SIPA1L3: variants seen among roughly 807,000 people sequenced by gnomAD.
The protein encoded by SIPA1L3 is signal-induced proliferation-associated 1-like protein 3.
A neutral mutation model predicts 150.1 loss-of-function variants in SIPA1L3; 59 were observed. That is an observed-to-expected ratio of 0.39 (90% CI 0.32 to 0.49). The LOEUF is 0.49. Ranked by LOEUF, SIPA1L3 falls within the 20% of genes least tolerant of loss-of-function variation. The probability of loss-of-function intolerance (pLI) is 0.86; values close to 1 mark genes in which losing one functional copy is unlikely to be tolerated. For synonymous variants in SIPA1L3, 1,070 were observed against 1,077.6 expected (o/e 0.99, Z 0.14); for missense variants, 2,211 against 2,489.5 (o/e 0.89, Z 2.38).
intron 4 of SIPA1L3, among the ~76,000 whole-genome samples, chr19:38,098,455 C>G (rs371556850): frequency 6.8e-6 from 1 of 146,434 alleles, no homozygotes. Flanking sequence ...AGTGCAATGG[C>G]ACAATCTTGG....
In SIPA1L3 at chr19:37,942,163, C is replaced by T. The variant is rs147899177; in HGVS notation, c.-379+34805C>T. Reference sequence around the variant, plus strand: ...TCACATATGCTTCCAGTGCCGGGGACGGAGCCCGATAAGGTCTGTCCTCCT... The same window carrying T: ...TCACATATGCTTCCAGTGCCGGGGATGGAGCCCGATAAGGTCTGTCCTCCT... On this transcript the variant is annotated intron_variant, in intron 1 of 21. Transcript: ENST00000222345. 1.8e-4 allele frequency among the ~76,000 whole-genome samples: 27 copies of T among 152,184 alleles called. No individual in the cohort carries two copies. The East Asian group carries it at 3.3e-3, about 19-fold the overall frequency.
intron 1 of SIPA1L3, among the ~76,000 whole-genome samples, chr19:37,962,203 G>A (rs572377458): frequency 1.5e-3 from 231 of 150,910 alleles, no homozygotes; most frequent in Non-Finnish European, 2.7e-3. Flanking sequence ...GAGTGCAGTG[G>A]CACGATTTTG....
intron 1 of SIPA1L3, among the ~76,000 whole-genome samples, chr19:37,948,746 C>T (rs911978429): frequency 2.6e-5 from 4 of 152,040 alleles, no homozygotes; most frequent in African/African-American, 7.3e-5. Context: ...AGATACATGA[C>T]GTAATGTTAT....
At chr19:38,022,669 C>T (rs7254333) in intron 1 of SIPA1L3, among the ~76,000 whole-genome samples, 1 of 152,132 alleles carries the variant, frequency 6.6e-6, no homozygotes. Flanking sequence ...GATGGTGCCA[C>T]TGCACTCCAG....
chr19:38,100,288 G>A, intron 5 of SIPA1L3, 138 bp downstream of exon 5: 2 of 673,406 alleles, frequency 3.0e-6, no homozygotes, highest in South Asian at 4.6e-5. Flanking sequence ...TCAGCAAAAG[G>A]AGGGATTCAA....
intron 8 of SIPA1L3, among the ~76,000 whole-genome samples, chr19:38,117,543 C>G (rs185437493): frequency 6.6e-6 from 1 of 151,726 alleles, no homozygotes; most frequent in African/African-American, 2.4e-5. Flanking sequence ...TGCTTGACCC[C>G]GGGAGGCGGA....
At chr19:37,962,463 C>T (rs1249925841) in intron 1 of SIPA1L3, among the ~76,000 whole-genome samples, 12 of 73,098 alleles carry the variant, frequency 1.6e-4, no homozygotes, top group African/African-American at 8.5e-4. Flanking sequence ...TGCAGCCGGC[C>T]TTTTTTTTTT....
chr19:38,081,754 C>T lies in SIPA1L3; in HGVS notation c.189C>T (p.Ala63=), dbSNP rs1280865599. The part of the protein sequence containing the change: ...SPATATATAT[A]TTRPSPTTPA... ...CCACCGCCACCGCCACCGCCACCGCCACCACCCGCCCCAGCCCCACCACTC... is the reference window on the plus strand; with the variant it reads ...CCACCGCCACCGCCACCGCCACCGCTACCACCCGCCCCAGCCCCACCACTC... The change falls in exon 3 of 22, where the codon GCC becomes GCT. Residue 63 remains alanine (A), a synonymous_variant. Coordinates refer to ENST00000222345, the MANE Select transcript of SIPA1L3 (RefSeq NM_015073.3). The T allele has an allele frequency of 1.2e-6, 2 of 1,603,608 alleles. No homozygotes were observed. Among genetic ancestry groups the T allele is most frequent in the East Asian group, 4.5e-5 (2 of 44,300 alleles).
chr19:38,128,110 A>G (rs1971221164), intron 9 of SIPA1L3, among the ~76,000 whole-genome samples: 1 of 127,868 alleles, frequency 7.8e-6, no homozygotes, highest in Non-Finnish European at 1.5e-5. Context: ...GCTGGAGTGC[A>G]GTAGCGTGAT....
chr19:37,914,056 T>C (rs1206739602), intron 1 of SIPA1L3, among the ~76,000 whole-genome samples: 3 of 148,448 alleles, frequency 2.0e-5, no homozygotes, highest in Non-Finnish European at 3.0e-5. Context: ...ATCCTGATCC[T>C]GCCTCTTCAG....
At chr19:37,908,558 C>T (rs773198033) in intron 1 of SIPA1L3, among the ~76,000 whole-genome samples, 5 of 151,236 alleles carry the variant, frequency 3.3e-5, no homozygotes, top group African/African-American at 4.9e-5. Context: ...ATGTTTAGTG[C>T]TTTGCACAAG....
In SIPA1L3 at chr19:37,941,123, CTG is replaced by C. The variant is rs1391641699; in HGVS notation, c.-379+33767_-379+33768del. 3.3e-5 allele frequency among the ~76,000 whole-genome samples: 5 copies of C among 150,398 alleles called. No individual in the cohort carries two copies. In the East Asian group the frequency reaches 5.9e-4, roughly 18 times the overall value. ...ACACACACACACACACACACACACA[CTG>C]TTTCTTTTTTGGCAGGCAGGGCTAG... On this transcript the variant is annotated intron_variant, in intron 1 of 21. Coordinates refer to ENST00000222345, the MANE Select transcript of SIPA1L3 (RefSeq NM_015073.3).
chr19:38,169,153 C>T (rs1470167136), intron 15 of SIPA1L3, among the ~76,000 whole-genome samples: 1 of 152,160 alleles, frequency 6.6e-6, no homozygotes, highest in African/African-American at 2.4e-5. Flanking sequence ...CTCTGGGAGG[C>T]CAAGGCAGGT....
In SIPA1L3 at chr19:38,066,193, A is replaced by T. The variant is rs530329794; in HGVS notation, c.-310-15063A>T. Among the ~76,000 whole-genome samples the T allele has an allele frequency of 5.7e-3, 868 of 151,406 alleles. 8 individuals are homozygous for T. Among genetic ancestry groups the T allele is most frequent in the African/African-American group, 0.019 (797 of 41,254 alleles). On this transcript the variant is annotated intron_variant, in intron 2 of 21. Transcript: ENST00000222345. ...ACACCTGGCAAATTTTAAAAAAAAA[A>T]TTTTTGTAGAGATAGGGTCTCGTTA...
rs572995144 is a variant in SIPA1L3, at chr19:38,059,786, C to CT, written c.-310-21462dup. Among the ~76,000 whole-genome samples the CT allele has an allele frequency of 2.9e-3, 439 of 151,062 alleles. 4 individuals carry two copies. The highest frequency in any genetic ancestry group is 0.019 in the East Asian group (96 of 5,096). On this transcript the variant is annotated intron_variant, in intron 2 of 21. Transcript: ENST00000222345. ...TGGCCACCAGAACCCTTTTTTTTTC[C>CT]TTTTTTTTGAGACAGAGTCTCACTC...
intron 6 of SIPA1L3, among the ~76,000 whole-genome samples, 162 bp downstream of exon 6, chr19:38,101,388 C>T (rs879378646): frequency 6.1e-4 from 92 of 152,054 alleles, no homozygotes; most frequent in Non-Finnish European, 9.7e-4. Flanking sequence ...TTTATTTTTT[C>T]GTGTTGTTGT....
At chr19:38,189,658 C>T (rs1054527781) in intron 16 of SIPA1L3, among the ~76,000 whole-genome samples, 4 of 151,988 alleles carry the variant, frequency 2.6e-5, no homozygotes, top group Admixed American at 1.3e-4. Flanking sequence ...CCCAGCTACT[C>T]GGGAAGCTGA....
intron 1 of SIPA1L3, among the ~76,000 whole-genome samples, chr19:37,953,758 C>G (rs2046784910): frequency 1.3e-5 from 2 of 152,210 alleles, no homozygotes; most frequent in South Asian, 2.1e-4. Context: ...GCTGTACCCC[C>G]AGGCACGTGT....
intron 2 of SIPA1L3, among the ~76,000 whole-genome samples, chr19:38,057,678 G>A (rs962568557): frequency 2.7e-5 from 4 of 150,934 alleles, no homozygotes; most frequent in Non-Finnish European, 4.4e-5. Context: ...ACAGAGTCTC[G>A]CTCTGTCGCC....
Sources: gnomAD v4.1 joint callset for allele counts (sites outside exome capture counted in the v4.1 genomes callset) on GRCh38, gnomAD v4.1.1 for gene constraint, MANE v1.5 for transcripts, NCBI Gene and HGNC (gene_info 2026-07-23, HGNC 2026-07-21) for gene names.